MAF: variants seen among roughly 807,000 people sequenced by gnomAD.
MAF encodes the protein transcription factor Maf.
A neutral mutation model predicts 22.0 loss-of-function variants in MAF; 10 were observed. The ratio of observed to expected loss-of-function variants is 0.45; its 90% CI spans 0.28 to 0.77. MAF has a LOEUF of 0.77. Among genes scored for constraint, MAF ranks in the 30% least tolerant of loss-of-function variants. The probability of loss-of-function intolerance (pLI) is 0.12; values close to 1 mark genes in which losing one functional copy is unlikely to be tolerated. For synonymous variants in MAF, 337 were observed against 255.8 expected, an observed-to-expected ratio of 1.32 and a Z score of -3.03; for missense variants, 544 against 548.4, an observed-to-expected ratio of 0.99 and a Z score of 0.08.
chr16:79,446,781 C>A, the MAF span, among the ~76,000 whole-genome samples: 3 of 151,766 alleles, frequency 2.0e-5, no homozygotes, highest in South Asian at 6.2e-4. Context: ...CAGTGGTAAG[C>A]ACCTCTAGTC....
chr16:79,557,196 C>G, the MAF span, among the ~76,000 whole-genome samples: 1 of 150,984 alleles, frequency 6.6e-6, no homozygotes, highest in South Asian at 2.1e-4. Flanking sequence ...ATTGCTAGTG[C>G]CAGCTACATC....
the MAF span, among the ~76,000 whole-genome samples, chr16:79,239,788 A>G: frequency 6.6e-6 from 1 of 151,990 alleles, no homozygotes; most frequent in Admixed American, 6.6e-5. Flanking sequence ...GCTGCTCTCA[A>G]AATATCTATT....
At chr16:79,316,085 T>C in the MAF span, among the ~76,000 whole-genome samples, 2 of 152,246 alleles carry the variant, frequency 1.3e-5, no homozygotes, top group East Asian at 1.9e-4. Flanking sequence ...AACCTTATTA[T>C]GCAAAGCATG....
At chr16:79,463,424 T>A in the MAF span, among the ~76,000 whole-genome samples, 1 of 152,216 alleles carries the variant, frequency 6.6e-6, no homozygotes, top group Non-Finnish European at 1.5e-5. Flanking sequence ...TAAGATAGCA[T>A]AAACACACAA....
chr16:79,461,233 A>G, the MAF span, among the ~76,000 whole-genome samples: 34,399 of 152,138 alleles, frequency 0.23, 4,902 homozygotes, highest in African/African-American at 0.4. Flanking sequence ...ACTTTCTTAG[A>G]GGTGATATAT....
At chr16:79,510,093 G>A in the MAF span, among the ~76,000 whole-genome samples, 1 of 152,208 alleles carries the variant, frequency 6.6e-6, no homozygotes, top group Non-Finnish European at 1.5e-5. Flanking sequence ...GGCGATTGCA[G>A]GACGGCTACC....
chr16:79,366,580 A>C, the MAF span, among the ~76,000 whole-genome samples: 3 of 152,186 alleles, frequency 2.0e-5, no homozygotes, highest in African/African-American at 7.2e-5. Flanking sequence ...TACCTGTGTG[A>C]CTTACTTTGA....
At chr16:79,448,962 A>T in the MAF span, among the ~76,000 whole-genome samples, 4 of 152,170 alleles carry the variant, frequency 2.6e-5, no homozygotes, top group African/African-American at 9.7e-5. Context: ...TACATTGTAT[A>T]TATAATGAAA....
chr16:79,295,313 C>T, the MAF span, among the ~76,000 whole-genome samples: 3 of 152,132 alleles, frequency 2.0e-5, no homozygotes, highest in Admixed American at 6.5e-5. Flanking sequence ...GTGAATCGGG[C>T]GGCCTTCTGA....
the MAF span, among the ~76,000 whole-genome samples, chr16:79,239,621 T>C: frequency 2.0e-5 from 3 of 152,034 alleles, no homozygotes; most frequent in South Asian, 2.1e-4. Context: ...AACCCCTAGA[T>C]GCTAATGGTT....
the MAF span, among the ~76,000 whole-genome samples, chr16:79,210,685 T>G: frequency 1.3e-5 from 2 of 152,132 alleles, no homozygotes. Context: ...CGACCATGTC[T>G]CCCTCTGAAC....
the MAF span, among the ~76,000 whole-genome samples, chr16:79,494,941 T>C: frequency 9.2e-5 from 14 of 152,262 alleles, no homozygotes; most frequent in African/African-American, 3.1e-4. Flanking sequence ...CACCAGTTTA[T>C]TGTAAAGGGT....
the MAF span, among the ~76,000 whole-genome samples, chr16:79,336,533 T>C: frequency 1.3e-5 from 2 of 152,216 alleles, no homozygotes; most frequent in African/African-American, 4.8e-5. Context: ...TCAACACATT[T>C]AGCTTCATTG....
chr16:79,236,037 C>A, the MAF span, among the ~76,000 whole-genome samples: 1 of 152,050 alleles, frequency 6.6e-6, no homozygotes, highest in African/African-American at 2.4e-5. Flanking sequence ...GAATCTCAGC[C>A]AGAGGCTGAA....
At chr16:79,310,591 CA>C in the MAF span, among the ~76,000 whole-genome samples, 1 of 152,204 alleles carries the variant, frequency 6.6e-6, no homozygotes, top group African/African-American at 2.4e-5. Context: ...TGGGTTGAAA[CA>C]AAGGCTCCTG....
chr16:79,542,318 G>A, the MAF span, among the ~76,000 whole-genome samples: 1 of 152,144 alleles, frequency 6.6e-6, no homozygotes, highest in Non-Finnish European at 1.5e-5. Flanking sequence ...TCGCTAGCTA[G>A]GTCTGGTGTC....
the MAF span, among the ~76,000 whole-genome samples, chr16:79,450,007 T>C: frequency 6.6e-6 from 1 of 152,218 alleles, no homozygotes; most frequent in African/African-American, 2.4e-5. Flanking sequence ...GCTAAAACAA[T>C]TGCTGCTCTT....
At chr16:79,282,908 G>A in the MAF span, among the ~76,000 whole-genome samples, 2 of 152,142 alleles carry the variant, frequency 1.3e-5, no homozygotes, top group African/African-American at 4.8e-5. Flanking sequence ...ATTTGCTTAT[G>A]AGTTTCATCA....
At chr16:79,295,620 G>C in the MAF span, among the ~76,000 whole-genome samples, 57 of 152,280 alleles carry the variant, frequency 3.7e-4, no homozygotes, top group African/African-American at 1.3e-3. Flanking sequence ...GCAGCTTTTA[G>C]GCTAAATTTG....
Sources: allele counts gnomAD v4.1 joint callset (sites outside exome capture counted in the v4.1 genomes callset), GRCh38; gene constraint gnomAD v4.1.1; transcripts MANE v1.5; gene names NCBI Gene and HGNC (gene_info 2026-07-23, HGNC 2026-07-21).